TBC1D9: variants seen among roughly 807,000 people sequenced by gnomAD.
TBC1D9 encodes TBC1 domain family member 9A.
A neutral mutation model predicts 132.0 loss-of-function variants in TBC1D9; 63 were observed. That is an observed-to-expected ratio of 0.48 (90% CI 0.39 to 0.59). TBC1D9 has a LOEUF of 0.59. TBC1D9 is among the 20% of genes least tolerant of loss of function. The pLI is 0.00. For missense variants in TBC1D9, 1,261 were observed against 1,592.7 expected, an observed-to-expected ratio of 0.79 and a Z score of 3.54; for synonymous variants, 610 against 609.9, an observed-to-expected ratio of 1.00 and a Z score of 0.00.
At chr4:140,633,911 T>A (rs368811396) in intron 16 of TBC1D9, 37 bp downstream of exon 16, 5 of 1,608,846 alleles carry the variant, frequency 3.1e-6, no homozygotes, top group Non-Finnish European at 4.2e-6. Context: ...AACTCCAGCA[T>A]CCCATCCCAA....
chr4:140,755,274 G>A (rs1413520450), intron 1 of TBC1D9, among the ~76,000 whole-genome samples: 1 of 152,226 alleles, frequency 6.6e-6, no homozygotes, highest in Non-Finnish European at 1.5e-5. Flanking sequence ...ACCTTGAAGG[G>A]AGGGGGTTTA....
chr4:140,735,214 T>C (rs1738654074), intron 1 of TBC1D9, among the ~76,000 whole-genome samples: 1 of 152,194 alleles, frequency 6.6e-6, no homozygotes, highest in Non-Finnish European at 1.5e-5. Context: ...AGAAACTGCC[T>C]ACATTTACTA....
chr4:140,688,961 G>A (rs138521462), intron 2 of TBC1D9, among the ~76,000 whole-genome samples: 5 of 151,968 alleles, frequency 3.3e-5, no homozygotes, highest in South Asian at 4.2e-4. Context: ...TGTGACATGC[G>A]GCAGACACAG....
intron 6 of TBC1D9, among the ~76,000 whole-genome samples, chr4:140,674,676 A>ATATAT (rs1560881397): frequency 2.1e-5 from 3 of 141,990 alleles, no homozygotes; most frequent in African/African-American, 8.5e-5. Context: ...ATTGTAGAAG[A>ATATAT]ATATATATAT....
chr4:140,693,188 C>T (rs1020986510), intron 2 of TBC1D9, among the ~76,000 whole-genome samples: 9 of 152,076 alleles, frequency 5.9e-5, no homozygotes, highest in Non-Finnish European at 1.2e-4. Flanking sequence ...GTCTCAAACT[C>T]CTGGGCTCAA....
chr4:140,704,299 G>T (rs1314162894), intron 1 of TBC1D9, among the ~76,000 whole-genome samples: 1 of 152,036 alleles, frequency 6.6e-6, no homozygotes, highest in African/African-American at 2.4e-5. Flanking sequence ...TTCTAGGGAG[G>T]CTGAGGCAGG....
At chr4:140,722,446 C>G (rs1738439106) in intron 1 of TBC1D9, among the ~76,000 whole-genome samples, 1 of 152,188 alleles carries the variant, frequency 6.6e-6, no homozygotes, top group Non-Finnish European at 1.5e-5. Flanking sequence ...TCTAAATATA[C>G]TCCAAACAGC....
At chr4:140,683,403 CTA>C (rs1317491731) in intron 3 of TBC1D9, among the ~76,000 whole-genome samples, 1 of 152,098 alleles carries the variant, frequency 6.6e-6, no homozygotes, top group Non-Finnish European at 1.5e-5. Context: ...TCTTAGTTGG[CTA>C]TAATTTTTTA....
chr4:140,702,038 T>A (rs1738078305), intron 1 of TBC1D9, among the ~76,000 whole-genome samples: 1 of 152,140 alleles, frequency 6.6e-6, no homozygotes, highest in African/African-American at 2.4e-5. Context: ...TGGTACTGTG[T>A]TTAGAAGTGA....
chr4:140,676,782 T>C lies in TBC1D9; in HGVS notation c.1059+112A>G, dbSNP rs551166971. 5 of 1,418,848 alleles carry C rather than the reference T, an allele frequency of 3.5e-6. No homozygotes were observed. In the African/African-American group the frequency reaches 4.3e-5, roughly 12 times the overall value. 87.9% of individuals were successfully genotyped at this position (1,418,848 alleles called of 1,614,324 possible). A position where few individuals can be genotyped will look rare whatever the true frequency, so the allele number is the denominator to read the frequency against. On this transcript the variant is annotated intron_variant, in intron 6 of 20. Coordinates refer to ENST00000442267, the MANE Select transcript of TBC1D9 (RefSeq NM_015130.3). ...GAATGCAGGTGCCACCAAAGACGCA[T>C]GAACATTCACCTGTGTTCAAAAGCC...
chr4:140,706,001 T>C lies in TBC1D9; in HGVS notation c.131-4387A>G, dbSNP rs1175451020. ...AAACACTTGGCAAAATTGTTCCATA[T>C]TTGCTTCCCATTTGGTTGTGGGCAC... is the stretch of plus-strand genomic sequence containing the variant. On this transcript the variant is annotated intron_variant, in intron 1 of 20. Transcript: ENST00000442267. This position sits in a 1 kb window ranked among gnomAD's most constrained non-coding sequence, Gnocchi z 4.0. Among the ~76,000 whole-genome samples, 1 of 152,206 alleles carries C rather than the reference T, an allele frequency of 6.6e-6. No individual in the cohort carries two copies. Among genetic ancestry groups the C allele is most frequent in the Non-Finnish European group, 1.5e-5 (1 of 68,032 alleles).
At chr4:140,677,220 C>T (rs538117821) in intron 5 of TBC1D9, 119 bp from the exon 6 acceptor site, 15 of 1,132,274 alleles carry the variant, frequency 1.3e-5, no homozygotes, top group African/African-American at 6.2e-5. Context: ...GACTCATCCC[C>T]CGCTTCTCAG....
intron 16 of TBC1D9, 65 bp from the exon 17 acceptor site, chr4:140,628,430 T>G (rs1459921634): frequency 4.2e-6 from 6 of 1,437,890 alleles, no homozygotes; most frequent in Non-Finnish European, 5.9e-6. Context: ...AGGCCTAGTG[T>G]TCCTCTAAAA....
At chr4:140,637,253 G>A (rs891976103) in intron 15 of TBC1D9, among the ~76,000 whole-genome samples, 1 of 152,124 alleles carries the variant, frequency 6.6e-6, no homozygotes, top group Non-Finnish European at 1.5e-5. Flanking sequence ...GGGAGCCTGA[G>A]GCAGGAGAAT....
chr4:140,707,552 TC>T (rs1305472811), intron 1 of TBC1D9, among the ~76,000 whole-genome samples: 13 of 152,208 alleles, frequency 8.5e-5, no homozygotes, highest in African/African-American at 2.9e-4. Flanking sequence ...CACCTGTTCT[TC>T]TGGCTGCTGC....
At chr4:140,643,426 G>C (rs1737043136) in intron 13 of TBC1D9, 17 of 976,522 alleles carry the variant, frequency 1.7e-5, no homozygotes, top group Non-Finnish European at 1.6e-6. Flanking sequence ...GGGTCTTCCA[G>C]GCCGGGCAGG....
chr4:140,639,034 A>T, intron 15 of TBC1D9, 52 bp downstream of exon 15: 1 of 1,285,118 alleles, frequency 7.8e-7, no homozygotes, highest in South Asian at 1.4e-5. Flanking sequence ...TGAATTATTA[A>T]GGTGAACTCC....
intron 20 of TBC1D9, among the ~76,000 whole-genome samples, chr4:140,623,251 T>C (rs1301814958): frequency 6.6e-6 from 1 of 152,058 alleles, no homozygotes; most frequent in East Asian, 1.9e-4. Context: ...GCGTTTTTTG[T>C]AGAGATGGGG....
At chr4:140,642,246 T>G in intron 13 of TBC1D9, 1 of 718,250 alleles carries the variant, frequency 1.4e-6, no homozygotes, top group Non-Finnish European at 2.5e-6. Flanking sequence ...TTCCTCTGAG[T>G]CTGTATTGTA....
Sources: gnomAD v4.1 joint callset for allele counts (sites outside exome capture counted in the v4.1 genomes callset) on GRCh38, gnomAD v4.1.1 for gene constraint, Gnocchi (gnomAD v3.1) non-coding constraint, MANE v1.5 for transcripts, NCBI Gene and HGNC (gene_info 2026-07-23, HGNC 2026-07-21) for gene names.